TMEM237: variants seen among roughly 807,000 people sequenced by gnomAD.
The protein encoded by TMEM237 is transmembrane protein 237, also known as amyotrophic lateral sclerosis 2 (juvenile) chromosome region, candidate 4.
Under a neutral mutation model 59.1 loss-of-function variants are expected in TMEM237, and 51 were observed. The ratio of observed to expected loss-of-function variants is 0.86; its 90% CI spans 0.69 to 1.09. TMEM237 has a LOEUF of 1.09. TMEM237 is among the 50% of genes least tolerant of loss of function. TMEM237 has a pLI of 0.00. For synonymous variants in TMEM237, 140 were observed against 166.1 expected (o/e 0.84, Z 1.21); for missense variants, 475 against 478.3 (o/e 0.99, Z 0.06).
chr2:201,628,265 G>T, intron 9 of TMEM237, 116 bp from the exon 10 acceptor site: 1 of 633,008 alleles, frequency 1.6e-6, no homozygotes. Context: ...ACTATTACTA[G>T]GTTTTAAGTA....
chr2:201,640,192 G>T, intron 3 of TMEM237, 69 bp downstream of exon 3: 1 of 1,329,392 alleles, frequency 7.5e-7, no homozygotes, highest in Non-Finnish European at 1.0e-6. Context: ...TCAGTTTTAA[G>T]AGAAACAAAC....
intron 6 of TMEM237, among the ~76,000 whole-genome samples, chr2:201,633,016 T>C (rs1687208264): frequency 1.3e-5 from 2 of 152,186 alleles, no homozygotes; most frequent in African/African-American, 4.8e-5. Context: ...TTTTTAAATA[T>C]CCTTAATGTT....
At position 201,629,072 on chromosome 2, in the gene TMEM237, T is replaced by A. The variant is rs557257638; in HGVS notation, c.869+158A>T. ...GAATATTTTGTTTACAATGGTCTCA[T>A]CCCCTCAAAAAAGAACAGAAGTAGA... On this transcript the variant is annotated intron_variant, in intron 9 of 12. Coordinates refer to ENST00000409883, the MANE Select transcript of TMEM237 (RefSeq NM_001044385.3). Among the ~76,000 whole-genome samples the A allele has an allele frequency of 2.0e-5, 3 of 152,272 alleles. No individual in the cohort carries two copies. In the South Asian group the frequency reaches 6.2e-4, roughly 32 times the overall value.
At position 201,633,304 on chromosome 2, in the gene TMEM237, T is replaced by C. The variant is rs78297522; in HGVS notation, c.395+7A>G. On this transcript the variant is annotated splice_region_variant and intron_variant, in intron 6 of 12. Coordinates refer to ENST00000409883, the MANE Select transcript of TMEM237 (RefSeq NM_001044385.3). ...GAGAATAGTTAGAAGAATAAATAAA[T>C]TCCTACTTTGTCTTCCTCCGAGGTT... 4.1e-3 allele frequency: 6,587 copies of C among 1,595,658 alleles called. 168 individuals are homozygous for C. The African/African-American group carries it at 0.057, about 14-fold the overall frequency.
At chr2:201,642,278 T>C (rs1024761258) in intron 1 of TMEM237, among the ~76,000 whole-genome samples, 13 of 152,240 alleles carry the variant, frequency 8.5e-5, no homozygotes, top group African/African-American at 3.1e-4. Context: ...TTAGACACTC[T>C]TGTAGTTTGT....
intron 6 of TMEM237, 21 bp from the exon 7 acceptor site, chr2:201,632,229 T>C (rs1277739690): frequency 6.2e-7 from 1 of 1,610,688 alleles, no homozygotes; most frequent in Non-Finnish European, 8.5e-7. Flanking sequence ...GACGTATGTA[T>C]GAAAAATAGA....
At position 201,632,099 on chromosome 2, in the gene TMEM237, G is replaced by T. The variant is rs772074875; in HGVS notation, c.505C>A (p.Pro169Thr). The part of the protein sequence containing the change: ...TVEQQSVFTA[P>T]TGISQPVGKV... ...CCTACAGGCTGGCTAATGCCAGTGGGTGCAGTGAATACAGACTGCTGTTCC... is the reference window on the plus strand; with the variant it reads ...CCTACAGGCTGGCTAATGCCAGTGGTTGCAGTGAATACAGACTGCTGTTCC... Residue 169 changes from proline (P) to threonine (T), a missense_variant, in exon 7 of 13, where the codon CCC becomes ACC. Physicochemically the swap from Pro to Thr is conservative, Grantham distance 38. Transcript: ENST00000409883. The T allele has an allele frequency of 5.5e-5, 88 of 1,613,804 alleles. No homozygotes were observed. The highest frequency in any genetic ancestry group is 1.7e-4 in the Admixed American group (10 of 60,008).
intron 3 of TMEM237, among the ~76,000 whole-genome samples, chr2:201,639,974 C>A (rs1169129958): frequency 6.6e-6 from 1 of 152,184 alleles, no homozygotes; most frequent in East Asian, 1.9e-4. Context: ...TCTACCCTGA[C>A]TAAATGAGAC....
In TMEM237 at chr2:201,643,259, T is replaced by C. The variant is rs6723016; in HGVS notation, c.42+100A>G. 552,061 of 1,155,792 alleles carry C rather than the reference T, an allele frequency of 0.48. 139,319 individuals are homozygous for C. The highest frequency in any genetic ancestry group is 0.7 in the East Asian group (24,304 of 34,610). 71.6% of individuals were successfully genotyped at this position (1,155,792 alleles called of 1,614,324 possible). On this transcript the variant is annotated intron_variant, in intron 1 of 12. Transcript: ENST00000409883. This position sits in a 1 kb window ranked among gnomAD's most constrained non-coding sequence, Gnocchi z 4.3. ...ACGAGCAAGGCCCTCCCTTAGTGAT[T>C]CCCAGCTCGTTGGCGCCCCCCCACA...
Position 201,642,708 on chromosome 2 carries a change from C to A in TMEM237, c.42+651G>T, listed in dbSNP as rs768234525. On this transcript the variant is annotated intron_variant, in intron 1 of 12. Transcript: ENST00000409883. The stretch of plus-strand genomic sequence containing the variant: ...CTCCCGGCTCGGTCGCGCGCGCAGG[C>A]GCAATGCGTCATCGGGCCGCGCCGC... 10 of 1,568,476 alleles carry A rather than the reference C, an allele frequency of 6.4e-6. No homozygotes were observed. The South Asian group carries it at 6.9e-5, about 11-fold the overall frequency.
At chr2:201,633,156 G>A (rs1474458466) in intron 6 of TMEM237, among the ~76,000 whole-genome samples, 155 bp downstream of exon 6, 2 of 151,128 alleles carry the variant, frequency 1.3e-5, no homozygotes. Flanking sequence ...TTTATCATTC[G>A]ATTGGTTTAA....
rs115026960 is a variant in TMEM237, at chr2:201,640,491, C to T, written c.75-226G>A. Among the ~76,000 whole-genome samples, 1,922 of 152,096 alleles carry T rather than the reference C, an allele frequency of 0.013. 17 individuals carry two copies. The highest frequency in any genetic ancestry group is 0.024 in the Middle Eastern group (7 of 294). The stretch of plus-strand genomic sequence containing the variant: ...TAAAATAATGTCAATATTTTCTGAA[C>T]CTACATATACATATTCCCTACTGTC... On this transcript the variant is annotated intron_variant, in intron 2 of 12. Transcript: ENST00000409883.
intron 12 of TMEM237, among the ~76,000 whole-genome samples, chr2:201,624,828 A>T (rs1184616688): frequency 6.6e-6 from 1 of 152,228 alleles, no homozygotes; most frequent in African/African-American, 2.4e-5. Flanking sequence ...ATGTTGTATG[A>T]CTAACATGGC....
At chr2:201,642,738 C>G (rs766187110) in intron 1 of TMEM237, 2 of 1,496,030 alleles carry the variant, frequency 1.3e-6, no homozygotes, top group South Asian at 1.3e-5. Flanking sequence ...CGCCGCCTGG[C>G]TAGTACCCCG....
At chr2:201,634,127 T>A (rs1687248692) in intron 5 of TMEM237, among the ~76,000 whole-genome samples, 1 of 151,636 alleles carries the variant, frequency 6.6e-6, no homozygotes, top group Non-Finnish European at 1.5e-5. Flanking sequence ...TCATCCAAGT[T>A]CCCAGATGCC....
Position 201,629,831 on chromosome 2 carries a change from C to T in TMEM237, c.575G>A (p.Arg192His), listed in dbSNP as rs186216206. ...TTCTGTGGTCTTTATCAACTCTGAA[C>T]GATCAGCAGCCTGGAATCTCCCTAA... ...EKSRRFQAAD[R>H]SELIKTTENI... is the part of the protein sequence containing the mutation. The change falls in exon 8 of 13, where the codon CGT becomes CAT. Residue 192 changes from arginine (R) to histidine (H), a missense_variant. Physicochemically the swap from Arg to His is conservative, Grantham distance 29 (BLOSUM62 0). Coordinates refer to ENST00000409883, the MANE Select transcript of TMEM237 (RefSeq NM_001044385.3). The T allele has an allele frequency of 8.1e-6, 13 of 1,612,556 alleles. No individual in the cohort carries two copies. The highest frequency in any genetic ancestry group is 6.7e-5 in the East Asian group (3 of 44,812).
At chr2:201,636,647 T>C (rs891371277) in intron 5 of TMEM237, 101 bp downstream of exon 5, 1 of 1,344,598 alleles carries the variant, frequency 7.4e-7, no homozygotes. Flanking sequence ...AAACCACCTG[T>C]GGGATATGGA....
At chr2:201,642,632 G>C (rs1687448598) in intron 1 of TMEM237, 1 of 1,608,338 alleles carries the variant, frequency 6.2e-7, no homozygotes, top group Non-Finnish European at 8.5e-7. Flanking sequence ...CCCATTCTGC[G>C]TTTAGCCGGC....
At chr2:201,639,264 A>G (rs1687364489) in intron 3 of TMEM237, among the ~76,000 whole-genome samples, 1 of 152,214 alleles carries the variant, frequency 6.6e-6, no homozygotes, top group Admixed American at 6.5e-5. Flanking sequence ...GTTAGAAACC[A>G]TGACACAGAA....
Sources: gnomAD v4.1 joint callset for allele counts (sites outside exome capture counted in the v4.1 genomes callset) on GRCh38, gnomAD v4.1.1 for gene constraint, Gnocchi (gnomAD v3.1) non-coding constraint, MANE v1.5 for transcripts, NCBI Gene and HGNC (gene_info 2026-07-23, HGNC 2026-07-21) for gene names.